Variants in CACNA1C observed in about 807,000 individuals in gnomAD.
CACNA1C encodes the protein voltage-dependent L-type calcium channel subunit alpha-1C.
Under a neutral mutation model 229.0 loss-of-function variants are expected in CACNA1C, and 30 were observed. The ratio of observed to expected loss-of-function variants is 0.13; its 90% CI spans 0.10 to 0.18. CACNA1C has a LOEUF of 0.18. Among genes scored for constraint, CACNA1C ranks in the 10% least tolerant of loss-of-function variants. The pLI is 1.00. For missense variants in CACNA1C, 1,658 were observed against 2,845.0 expected (o/e 0.58, Z 9.49); for synonymous variants, 1,114 against 1,132.5 (o/e 0.98, Z 0.33).
At position 2,292,835 on chromosome 12, in the gene CACNA1C, C is replaced by T. The variant is rs1416705616; in HGVS notation, c.478-156141C>T. On this transcript the variant is annotated intron_variant, in intron 3 of 46. Coordinates refer to ENST00000399655, the MANE Select transcript of CACNA1C (RefSeq NM_000719.7). The stretch of plus-strand genomic sequence containing the variant: ...GTAGTGTCTCTTCCTGCCTTTCTCC[C>T]ATGCCCTGCGGCACCAGGCCCACAC... Among the ~76,000 whole-genome samples the T allele has an allele frequency of 2.0e-5, 3 of 152,120 alleles. No individual in the cohort carries two copies. The East Asian group carries it at 5.8e-4, about 29-fold the overall frequency.
chr12:2,014,923 C>T (rs566212973), intron 1 of CACNA1C, among the ~76,000 whole-genome samples: 1 of 152,208 alleles, frequency 6.6e-6, no homozygotes, highest in South Asian at 2.1e-4. Flanking sequence ...GGAATGGGAG[C>T]AATCCCTTCC....
chr12:2,138,447 A>T (rs1403706952), intron 3 of CACNA1C, among the ~76,000 whole-genome samples: 2 of 150,786 alleles, frequency 1.3e-5, no homozygotes, highest in Non-Finnish European at 3.0e-5. Flanking sequence ...CACAGTGTGG[A>T]GGTGCTTGAA....
intron 1 of CACNA1C, among the ~76,000 whole-genome samples, chr12:2,096,945 T>G (rs766343675): frequency 2.4e-4 from 36 of 152,210 alleles, no homozygotes; most frequent in Admixed American, 7.9e-4. Context: ...CTCCATTGTA[T>G]GGATAGACCA....
At chr12:2,568,673 A>G (rs1019456615) in intron 13 of CACNA1C, among the ~76,000 whole-genome samples, 2 of 152,234 alleles carry the variant, frequency 1.3e-5, no homozygotes, top group Admixed American at 1.3e-4. Context: ...TCACAGAAAG[A>G]CAAATACTGT....
Position 2,120,416 on chromosome 12 carries a change from A to G in CACNA1C, c.463A>G (p.Thr155Ala), listed in dbSNP as rs750645940. The G allele has an allele frequency of 2.5e-6, 4 of 1,594,666 alleles. No homozygotes were observed. The African/African-American group carries it at 4.0e-5, about 16-fold the overall frequency. ...IPFPEDDSNA[T>A]NSNLERVEYL... ...CTTTCCAGAAGATGATTCCAACGCC[A>G]CCAATTCCAACCTGGTAAGTCCACC... Residue 155 changes from threonine (T) to alanine (A), a missense_variant, in exon 3 of 47, where the codon ACC becomes GCC. Thr to Ala is a moderately conservative substitution (Grantham distance 58). Coordinates refer to ENST00000399655, the MANE Select transcript of CACNA1C (RefSeq NM_000719.7).
At chr12:2,431,940 T>C (rs533994395) in intron 3 of CACNA1C, among the ~76,000 whole-genome samples, 30 of 152,206 alleles carry the variant, frequency 2.0e-4, no homozygotes, top group African/African-American at 5.3e-4. Context: ...GAGAACCAAC[T>C]CAAGGCTCAG....
At position 2,567,799 on chromosome 12, in the gene CACNA1C, T is replaced by C; in HGVS notation, c.1895+5T>C. 6.4e-7 allele frequency: 1 copy of C among 1,569,924 alleles called. No homozygotes were observed. Among genetic ancestry groups the C allele is most frequent in the Non-Finnish European group, 8.8e-7 (1 of 1,141,770 alleles). ...GAGGATTTTCAAGATCACGAGGTAC[T>C]GGGCTCCCCCTCTCACTTTGAAGAG... On this transcript the variant is annotated splice_donor_5th_base_variant and intron_variant, in intron 13 of 46. Coordinates refer to ENST00000399655, the MANE Select transcript of CACNA1C (RefSeq NM_000719.7).
At chr12:2,476,310 T>C (rs1247947993) in intron 5 of CACNA1C, among the ~76,000 whole-genome samples, 2 of 152,248 alleles carry the variant, frequency 1.3e-5, no homozygotes, top group Non-Finnish European at 2.9e-5. Context: ...TTTGCCTGGA[T>C]AATGGCTAAG....
intron 1 of CACNA1C, among the ~76,000 whole-genome samples, chr12:2,013,685 G>T (rs1239263151): frequency 6.6e-6 from 1 of 152,170 alleles, no homozygotes; most frequent in Non-Finnish European, 1.5e-5. Context: ...GAGGGCAGTG[G>T]TACCAGCCTT....
rs143132969 is a variant in CACNA1C at position 2,059,387 on chromosome 12, C to G, written c.49+5776C>G. On this transcript the variant is annotated intron_variant, in intron 1 of 46. Coordinates refer to ENST00000399655, the MANE Select transcript of CACNA1C (RefSeq NM_000719.7). ...AGGAGAGAAGTTTGGGCCTGGAGCTCAGGAGTCGGACCGAGGTTGAAAATA... is the reference window on the plus strand; with the variant it reads ...AGGAGAGAAGTTTGGGCCTGGAGCTGAGGAGTCGGACCGAGGTTGAAAATA... 2.8e-4 allele frequency among the ~76,000 whole-genome samples: 43 copies of G among 151,738 alleles called. No individual in the cohort carries two copies. The South Asian group carries it at 5.0e-3, about 18-fold the overall frequency.
intron 3 of CACNA1C, among the ~76,000 whole-genome samples, chr12:2,302,165 G>C (rs2094607933): frequency 6.6e-6 from 1 of 152,138 alleles, no homozygotes; most frequent in Admixed American, 6.5e-5. Context: ...CTGCCACTCA[G>C]TGAGCCTCGC....
At chr12:2,371,708 A>G (rs1200539642) in intron 3 of CACNA1C, among the ~76,000 whole-genome samples, 2 of 150,534 alleles carry the variant, frequency 1.3e-5, no homozygotes, top group South Asian at 2.1e-4. Context: ...GCAAGCACAT[A>G]CTAAATGACA....
At chr12:1,994,304 C>CAA (rs2040266731) in intron 1 of CACNA1C, among the ~76,000 whole-genome samples, 1 of 152,212 alleles carries the variant, frequency 6.6e-6, no homozygotes, top group Non-Finnish European at 1.5e-5. Flanking sequence ...CTGTTATTAA[C>CAA]AAACCCACAG....
At chr12:2,193,143 G>A (rs1040049643) in intron 3 of CACNA1C, among the ~76,000 whole-genome samples, 4 of 152,218 alleles carry the variant, frequency 2.6e-5, no homozygotes, top group Admixed American at 1.3e-4. Flanking sequence ...GGCCCTGCCA[G>A]GAACATCTGG....
chr12:2,328,468 G>A (rs1372335076), intron 3 of CACNA1C, among the ~76,000 whole-genome samples: 2 of 152,206 alleles, frequency 1.3e-5, no homozygotes, highest in East Asian at 3.8e-4. Context: ...GAGCTGAAGC[G>A]ATGGGTGGAT....
chr12:2,255,193 C>T (rs1385308369), intron 3 of CACNA1C, among the ~76,000 whole-genome samples: 2 of 151,658 alleles, frequency 1.3e-5, no homozygotes, highest in Non-Finnish European at 2.9e-5. Flanking sequence ...CAGACCCGTG[C>T]TCCCTCCTGG....
chr12:2,513,024 G>A, intron 9 of CACNA1C, 40 bp downstream of exon 9: 1 of 1,530,298 alleles, frequency 6.5e-7, no homozygotes, highest in Non-Finnish European at 8.9e-7. Context: ...CTGGGTTCTG[G>A]GGGAGAGGAG....
chr12:2,335,945 T>G (rs896117475), intron 3 of CACNA1C, among the ~76,000 whole-genome samples: 2 of 151,880 alleles, frequency 1.3e-5, no homozygotes, highest in East Asian at 3.9e-4. Context: ...TACAAACAGT[T>G]TGCAAGTAAT....
intron 3 of CACNA1C, among the ~76,000 whole-genome samples, chr12:2,437,410 T>C (rs759898306): frequency 6.6e-6 from 1 of 152,232 alleles, no homozygotes; most frequent in Non-Finnish European, 1.5e-5. Flanking sequence ...GGAGTCCAGC[T>C]TTCCCTCTAA....
Sources: allele counts gnomAD v4.1 joint callset (sites outside exome capture counted in the v4.1 genomes callset), GRCh38; gene constraint gnomAD v4.1.1; transcripts MANE v1.5; gene names NCBI Gene and HGNC (gene_info 2026-07-23, HGNC 2026-07-21).